Variants in DPYSL2 observed in about 807,000 individuals in gnomAD.
DPYSL2 encodes dihydropyrimidinase-related protein 2.
A neutral mutation model predicts 69.9 loss-of-function variants in DPYSL2; 13 were observed. The ratio of observed to expected loss-of-function variants is 0.19; its 90% CI spans 0.12 to 0.30. The LOEUF is 0.30. Among genes scored for constraint, DPYSL2 ranks in the 10% least tolerant of loss-of-function variants. The pLI is 1.00. For synonymous variants in DPYSL2, 326 were observed against 359.1 expected, an observed-to-expected ratio of 0.91 and a Z score of 1.04; for missense variants, 587 against 918.9, an observed-to-expected ratio of 0.64 and a Z score of 4.67.
chr8:26,646,194 G>C (rs1585571410), intron 10 of DPYSL2, among the ~76,000 whole-genome samples: 1 of 91,448 alleles, frequency 1.1e-5, no homozygotes, highest in South Asian at 3.5e-4. Flanking sequence ...GAACATTTAT[G>C]TTGTTTCTGG....
chr8:26,644,215 CTT>C lies in DPYSL2; in HGVS notation c.1425+125_1425+126del. The C allele has an allele frequency of 8.7e-7, 1 of 1,150,006 alleles. No individual in the cohort carries two copies. The highest frequency in any genetic ancestry group is 2.0e-5 in the South Asian group (1 of 49,270). 71.2% of individuals were successfully genotyped at this position (1,150,006 alleles called of 1,614,324 possible). A position where few individuals can be genotyped will look rare whatever the true frequency, so the allele number is the denominator to read the frequency against. On this transcript the variant is annotated intron_variant, in intron 10 of 13. Transcript: ENST00000521913. The surrounding 1 kb of genome is among the most constrained non-coding windows in gnomAD (Gnocchi z 4.5). ...GTGGAGGACATCCTAGAAGCCAGTACTTATATGACAATATTTCTGAGGGTTGG... is the reference window on the plus strand; with the variant it reads ...GTGGAGGACATCCTAGAAGCCAGTACATATGACAATATTTCTGAGGGTTGG...
chr8:26,573,616 C>T (rs562228642), intron 1 of DPYSL2, among the ~76,000 whole-genome samples: 14 of 142,958 alleles, frequency 9.8e-5, no homozygotes, highest in Admixed American at 2.3e-4. Context: ...TGCAGTGAGC[C>T]GAGATTGCGC....
In DPYSL2 at chr8:26,610,162, G is replaced by A. The variant is rs992683286; in HGVS notation, c.629-13981G>A. Among the ~76,000 whole-genome samples, 9 of 152,234 alleles carry A rather than the reference G, an allele frequency of 5.9e-5. No homozygotes were observed. Among genetic ancestry groups the A allele is most frequent in the Non-Finnish European group, 7.3e-5 (5 of 68,044 alleles). On this transcript the variant is annotated intron_variant, in intron 3 of 13. Transcript: ENST00000521913. The surrounding 1 kb of genome is among the most constrained non-coding windows in gnomAD (Gnocchi z 4.5). Reference sequence around the variant, plus strand: ...CGTGGGATCTGCAAGAGCCTGTAGCGTCAGGTTTCTTTCCTTTTGATTGGG... The same window carrying A: ...CGTGGGATCTGCAAGAGCCTGTAGCATCAGGTTTCTTTCCTTTTGATTGGG...
intron 13 of DPYSL2, 122 bp from the exon 14 acceptor site, chr8:26,655,493 C>CA (rs1358067813): frequency 1.2e-6 from 1 of 857,222 alleles, no homozygotes; most frequent in African/African-American, 1.7e-5. Context: ...AAGACGCTGT[C>CA]TCCAAAAAAA....
intron 7 of DPYSL2, among the ~76,000 whole-genome samples, chr8:26,630,175 T>C (rs555430680): frequency 6.6e-6 from 1 of 152,336 alleles, no homozygotes; most frequent in Admixed American, 6.5e-5. Flanking sequence ...CATGCACATA[T>C]GCGCTTGCAC....
In DPYSL2 at chr8:26,562,772, G is replaced by C. The variant is rs757846192; in HGVS notation, c.355-19197G>C. Among the ~76,000 whole-genome samples the C allele has an allele frequency of 3.9e-5, 6 of 152,084 alleles. No individual in the cohort carries two copies. The highest frequency in any genetic ancestry group is 7.2e-5 in the African/African-American group (3 of 41,400). ...CAGGGATTTGAACACAGTAGAGCAG[G>C]GATATGTTGTCTCTGCTCCACGATG... On this transcript the variant is annotated intron_variant, in intron 1 of 13. Transcript: ENST00000521913. This position sits in a 1 kb window ranked among gnomAD's most constrained non-coding sequence, Gnocchi z 4.9.
chr8:26,643,727 GGC>G lies in DPYSL2; in HGVS notation c.1283+133_1283+134del. 1.5e-6 allele frequency: 2 copies of G among 1,345,526 alleles called. No homozygotes were observed. The highest frequency in any genetic ancestry group is 4.0e-5 in the Admixed American group (2 of 50,040). The allele number at this position is 1,345,526 out of a possible 1,614,324, so 83.3% of individuals were successfully genotyped here. A position where few individuals can be genotyped will look rare whatever the true frequency, so the allele number is the denominator to read the frequency against. On this transcript the variant is annotated intron_variant, in intron 9 of 13. Transcript: ENST00000521913. The surrounding 1 kb of genome is among the most constrained non-coding windows in gnomAD (Gnocchi z 6.5). Reference sequence around the variant, plus strand: ...AGACCCTTGTTCACCAAACTAGGTTGGCTACATGAGTACAGGGAATTGTCATT... The same window carrying G: ...AGACCCTTGTTCACCAAACTAGGTTGTACATGAGTACAGGGAATTGTCATT...
intron 1 of DPYSL2, among the ~76,000 whole-genome samples, chr8:26,576,909 A>G (rs990370739): frequency 1.3e-5 from 2 of 152,184 alleles, no homozygotes; most frequent in African/African-American, 4.8e-5. Flanking sequence ...GGCACCAGCG[A>G]AATGCGCTGC....
intron 1 of DPYSL2, among the ~76,000 whole-genome samples, chr8:26,529,276 C>CTATCTATCTATCT (rs1554531948): frequency 1.5e-5 from 2 of 136,288 alleles, no homozygotes; most frequent in African/African-American, 5.6e-5. Context: ...ATCTATCTAT[C>CTATCTATCTATCT]ATCTATCTAT....
At chr8:26,607,977 T>G (rs1389991801) in intron 3 of DPYSL2, among the ~76,000 whole-genome samples, 1 of 150,334 alleles carries the variant, frequency 6.7e-6, no homozygotes, top group Non-Finnish European at 1.5e-5. Flanking sequence ...CTCAAGAGGC[T>G]GAGGCAGGAG....
chr8:26,514,639 G>T lies in DPYSL2; in HGVS notation c.314G>T (p.Arg105Met). The change falls in exon 1 of 14, where the codon AGG (arginine) becomes ATG (methionine). Residue 105 changes from arginine to methionine, a missense_variant. Physicochemically the swap from Arg to Met is moderately conservative, Grantham distance 91 (BLOSUM62 -1). This residue lies in a region of DPYSL2 where 85 missense variants were observed against 77.7 expected (regional missense o/e 1.09). Coordinates refer to ENST00000521913, the MANE Select transcript of DPYSL2 (RefSeq NM_001197293.3). This position sits in a 1 kb window ranked among gnomAD's most constrained non-coding sequence, Gnocchi z 8.4. The stretch of plus-strand genomic sequence containing the variant: ...TCGGGCCGGAAGGTGGAGATCCGGA[G>T]GGCCTCGGGCAAAGAAGCCCTGCAG... ...VESGRKVEIR[R>M]ASGKEALQNI... is the part of the protein sequence containing the mutation. The T allele has an allele frequency of 6.8e-7, 1 of 1,462,352 alleles. No individual in the cohort carries two copies. The highest frequency in any genetic ancestry group is 9.0e-7 in the Non-Finnish European group (1 of 1,112,000). The allele number at this position is 1,462,352 out of a possible 1,614,324, so 90.6% of individuals were successfully genotyped here.
chr8:26,514,602 C>A lies in DPYSL2; in HGVS notation c.277C>A (p.Pro93Thr). ...GCAGGGCCGGCGCGCCGGCGGAGAG[C>A]CATCTGTTGAATCGGGCCGGAAGGT... ...SRQGRRAGGE[P>T]SVESGRKVEI... The change falls in exon 1 of 14, where the codon CCA becomes ACA. Residue 93 changes from proline (P) to threonine (T), a missense_variant. This residue lies in a region of DPYSL2 where 85 missense variants were observed against 77.7 expected (regional missense o/e 1.09). Transcript: ENST00000521913. This position sits in a 1 kb window ranked among gnomAD's most constrained non-coding sequence, Gnocchi z 8.4. The A allele has an allele frequency of 6.6e-7, 1 of 1,504,732 alleles. No homozygotes were observed. The highest frequency in any genetic ancestry group is 2.2e-5 in the Admixed American group (1 of 46,210). 93.2% of individuals were successfully genotyped at this position (1,504,732 alleles called of 1,614,324 possible).
intron 1 of DPYSL2, among the ~76,000 whole-genome samples, chr8:26,569,377 C>CA (rs1316731457): frequency 0.043 from 5,493 of 126,500 alleles, 249 homozygotes; most frequent in African/African-American, 0.1. Flanking sequence ...AAAACAAAAA[C>CA]AAAAAAAAAC....
chr8:26,537,704 G>A (rs1563378541), intron 1 of DPYSL2, among the ~76,000 whole-genome samples: 1 of 151,744 alleles, frequency 6.6e-6, no homozygotes, highest in African/African-American at 2.4e-5. Flanking sequence ...ATACTTCAGT[G>A]TATATTTCAT....
rs1803264257 is a variant in DPYSL2 at position 26,650,700 on chromosome 8, T to G, written c.1597-1557T>G. ...CCACCAAGGGCCAGCGTGTGCTTAT[T>G]ATGGCATCTCTGGGGAGACCATCTG... is the stretch of plus-strand genomic sequence containing the variant. On this transcript the variant is annotated intron_variant, in intron 11 of 13. Transcript: ENST00000521913. This position sits in a 1 kb window ranked among gnomAD's most constrained non-coding sequence, Gnocchi z 5.3. 6.6e-6 allele frequency among the ~76,000 whole-genome samples: 1 copy of G among 152,202 alleles called. No individual in the cohort carries two copies. Among genetic ancestry groups the G allele is most frequent in the Non-Finnish European group, 1.5e-5 (1 of 68,034 alleles).
chr8:26,581,177 T>C (rs1801483697), intron 1 of DPYSL2, among the ~76,000 whole-genome samples: 1 of 152,178 alleles, frequency 6.6e-6, no homozygotes, highest in Non-Finnish European at 1.5e-5. Context: ...AAAGGACATA[T>C]TGAATGGAAA....
chr8:26,519,462 A>G (rs1252949342), intron 1 of DPYSL2, among the ~76,000 whole-genome samples: 2 of 152,350 alleles, frequency 1.3e-5, no homozygotes, highest in Admixed American at 1.3e-4. Flanking sequence ...TGATTTATGT[A>G]GCATTATATA....
chr8:26,623,498 A>T (rs1802544300), intron 3 of DPYSL2, among the ~76,000 whole-genome samples: 1 of 152,210 alleles, frequency 6.6e-6, no homozygotes, highest in African/African-American at 2.4e-5. Context: ...CAGGTGAATG[A>T]TGGAGCCAGG....
rs34448431 is a variant in DPYSL2 at position 26,530,113 on chromosome 8, CAAAAAAAAAAAA to C, written c.354+15445_354+15456del. 6.9e-5 allele frequency among the ~76,000 whole-genome samples: 5 copies of C among 72,040 alleles called. No individual in the cohort carries two copies. The Admixed American group carries it at 9.6e-4, about 14-fold the overall frequency. The allele number at this position is 72,040 out of a possible 152,430, so 47.3% of individuals were successfully genotyped here. On this transcript the variant is annotated intron_variant, in intron 1 of 13. Coordinates refer to ENST00000521913, the MANE Select transcript of DPYSL2 (RefSeq NM_001197293.3). ...GGCAACAAGAGGGAAACTCCGTCTCCAAAAAAAAAAAAAAAAAAAAAAGGAAAGAAAGAAAAG... is the reference window on the plus strand; with the variant it reads ...GGCAACAAGAGGGAAACTCCGTCTCCAAAAAAAAAAGGAAAGAAAGAAAAG...
Sources: gnomAD v4.1 joint callset for allele counts (sites outside exome capture counted in the v4.1 genomes callset) on GRCh38, gnomAD v4.1.1 for gene constraint, gnomAD v4.1.1 regional missense constraint, Gnocchi (gnomAD v3.1) non-coding constraint, MANE v1.5 for transcripts, NCBI Gene and HGNC (gene_info 2026-07-23, HGNC 2026-07-21) for gene names.